The following RAP1GAP2 variants were observed in gnomAD, a reference collection of about 807,000 sequenced individuals.
The protein encoded by RAP1GAP2 is rap1 GTPase-activating protein 2.
Under a neutral mutation model 95.0 loss-of-function variants are expected in RAP1GAP2, and 27 were observed. The observed-to-expected ratio is 0.28, with a 90% CI of 0.21 to 0.39. The LOEUF (loss-of-function observed/expected upper bound fraction) is 0.39, where lower values mean the gene tolerates loss of function less well. Ranked by LOEUF, RAP1GAP2 falls within the 10% of genes least tolerant of loss-of-function variation. The pLI is 1.00. For synonymous variants in RAP1GAP2, 373 were observed against 380.9 expected (o/e 0.98, Z 0.24); for missense variants, 771 against 970.0 (o/e 0.79, Z 2.72).
rs527693859 is a variant in RAP1GAP2 at position 2,805,770 on chromosome 17, G to C, written c.80+5220G>C. 1.9e-4 allele frequency among the ~76,000 whole-genome samples: 26 copies of C among 134,862 alleles called. 1 individual carries two copies. In the East Asian group the frequency reaches 4.4e-3, roughly 23 times the overall value. 88.5% of individuals were successfully genotyped at this position (134,862 alleles called of 152,430 possible). ...GATGCGTGTATGTGTGTGTGTGTGT[G>C]TCTGTCTGTCTGTCTGCTGCATGGG... On this transcript the variant is annotated intron_variant, in intron 2 of 24. Transcript: ENST00000254695.
rs1016638508 is a variant in RAP1GAP2, at chr17:2,867,260, A to G, written c.81-38024A>G. Among the ~76,000 whole-genome samples the G allele has an allele frequency of 2.6e-5, 4 of 152,170 alleles. No individual in the cohort carries two copies. Among genetic ancestry groups the G allele is most frequent in the South Asian group, 2.1e-4 (1 of 4,830 alleles). On this transcript the variant is annotated intron_variant, in intron 2 of 24. Transcript: ENST00000254695. The surrounding 1 kb of genome is among the most constrained non-coding windows in gnomAD (Gnocchi z 4.5). ...TTTTGGTTTGAAGTGGCAAGCCCCAATTCAAATTAATGTAAAGAAAAAATG... is the reference window on the plus strand; with the variant it reads ...TTTTGGTTTGAAGTGGCAAGCCCCAGTTCAAATTAATGTAAAGAAAAAATG...
chr17:2,775,935 T>C (rs2068489048), upstream of RAP1GAP2, among the ~76,000 whole-genome samples: 1 of 152,082 alleles, frequency 6.6e-6, no homozygotes, highest in South Asian at 2.1e-4. Flanking sequence ...TCTCAGCACT[T>C]TGGGAGGCCG....
At chr17:2,868,675 G>A (rs539909496) in intron 2 of RAP1GAP2, among the ~76,000 whole-genome samples, 2 of 121,140 alleles carry the variant, frequency 1.7e-5, no homozygotes, top group African/African-American at 6.4e-5. Flanking sequence ...GTGCCACTAC[G>A]CCTGTCTAAT....
upstream of RAP1GAP2, among the ~76,000 whole-genome samples, chr17:2,792,254 A>T (rs2068944784): frequency 6.6e-6 from 1 of 152,190 alleles, no homozygotes; most frequent in African/African-American, 2.4e-5. Flanking sequence ...GGGTCAGAGC[A>T]GGGGGTCAAG....
chr17:2,965,147 C>T lies in RAP1GAP2; in HGVS notation c.493-393C>T, dbSNP rs531547928. ...CCCCATGGGAATGAGAATGTGGACT[C>T]GGTATCTTGTGGTTAAGAACTTGCC... On this transcript the variant is annotated intron_variant, in intron 7 of 24. Transcript: ENST00000254695. The surrounding 1 kb of genome is among the most constrained non-coding windows in gnomAD (Gnocchi z 4.7). The T allele has an allele frequency of 1.5e-5, 3 of 202,684 alleles. No individual in the cohort carries two copies. Among genetic ancestry groups the T allele is most frequent in the South Asian group, 8.6e-5 (1 of 11,584 alleles). 12.6% of individuals were successfully genotyped at this position (202,684 alleles called of 1,614,324 possible). A position where few individuals can be genotyped will look rare whatever the true frequency, so the allele number is the denominator to read the frequency against.
intron 14 of RAP1GAP2, among the ~76,000 whole-genome samples, chr17:3,002,053 C>G (rs1176201888): frequency 6.6e-6 from 1 of 151,356 alleles, no homozygotes; most frequent in Non-Finnish European, 1.5e-5. Context: ...ACCTCTGCCT[C>G]CCGGGTTCAA....
At chr17:2,860,306 T>A (rs1230457198) in intron 2 of RAP1GAP2, among the ~76,000 whole-genome samples, 2 of 152,200 alleles carry the variant, frequency 1.3e-5, no homozygotes, top group Non-Finnish European at 2.9e-5. Flanking sequence ...CCCGGTGGGC[T>A]GTCGTTGCTT....
intron 2 of RAP1GAP2, among the ~76,000 whole-genome samples, chr17:2,801,385 G>C (rs1180048421): frequency 2.0e-5 from 3 of 150,286 alleles, no homozygotes; most frequent in Middle Eastern, 7.0e-3. Flanking sequence ...TGAAGCAGGA[G>C]AATCACTTGA....
chr17:2,869,541 G>A (rs1229924099), intron 2 of RAP1GAP2, among the ~76,000 whole-genome samples: 1 of 152,104 alleles, frequency 6.6e-6, no homozygotes, highest in East Asian at 1.9e-4. Context: ...GGTGGTTCTC[G>A]CCTGGTCTCT....
In RAP1GAP2 at chr17:2,827,623, C is replaced by A. The variant is rs913785551; in HGVS notation, c.80+27073C>A. Reference sequence around the variant, plus strand: ...AGGGGTTCAAGACCAGCCTGGATAACATGGTGAAACCCCCTCTCTACTAAA... The same window carrying A: ...AGGGGTTCAAGACCAGCCTGGATAAAATGGTGAAACCCCCTCTCTACTAAA... On this transcript the variant is annotated intron_variant, in intron 2 of 24. Transcript: ENST00000254695. This position sits in a 1 kb window ranked among gnomAD's most constrained non-coding sequence, Gnocchi z 4.1. Among the ~76,000 whole-genome samples, 6 of 151,946 alleles carry A rather than the reference C, an allele frequency of 3.9e-5. No homozygotes were observed. The highest frequency in any genetic ancestry group is 9.7e-5 in the African/African-American group (4 of 41,376).
At chr17:2,865,773 C>T (rs1189980491) in intron 2 of RAP1GAP2, among the ~76,000 whole-genome samples, 1 of 152,302 alleles carries the variant, frequency 6.6e-6, no homozygotes. Context: ...TGATGGGAAC[C>T]GAGATGCCTG....
At chr17:2,973,761 AC>A (rs1371272473) in intron 8 of RAP1GAP2, among the ~76,000 whole-genome samples, 1 of 152,228 alleles carries the variant, frequency 6.6e-6, no homozygotes. Context: ...GAAAGAATAA[AC>A]TAGTGAACAA....
Position 2,964,102 on chromosome 17 carries a change from G to A in RAP1GAP2, c.492+34G>A, listed in dbSNP as rs774758889. On this transcript the variant is annotated intron_variant, in intron 7 of 24. Coordinates refer to ENST00000254695, the MANE Select transcript of RAP1GAP2 (RefSeq NM_015085.5). ...GGGGGAGAGGAGCTGCTGGGGGTTG[G>A]GGGCAGAGGCTGGGGACGCTGGGAG... is the stretch of plus-strand genomic sequence containing the variant. 2.6e-5 allele frequency: 41 copies of A among 1,569,910 alleles called. 1 individual carries two copies. The East Asian group carries it at 8.8e-4, about 34-fold the overall frequency.
chr17:2,965,499 T>TTTC lies in RAP1GAP2; in HGVS notation c.493-37_493-35dup, dbSNP rs1211577346. On this transcript the variant is annotated intron_variant, in intron 7 of 24. Coordinates refer to ENST00000254695, the MANE Select transcript of RAP1GAP2 (RefSeq NM_015085.5). The surrounding 1 kb of genome is among the most constrained non-coding windows in gnomAD (Gnocchi z 4.7). ...GTTTAGGGGGAACATACCTGGAAGG[T>TTTC]TTCTTCCTCCTTCCTGCTCACACTC... 3 of 1,495,486 alleles carry TTTC rather than the reference T, an allele frequency of 2.0e-6. No homozygotes were observed. In the South Asian group the frequency reaches 3.6e-5, roughly 18 times the overall value. The allele number at this position is 1,495,486 out of a possible 1,614,324, so 92.6% of individuals were successfully genotyped here. A position where few individuals can be genotyped will look rare whatever the true frequency, so the allele number is the denominator to read the frequency against.
At chr17:3,028,068 G>A (rs558758158) in intron 22 of RAP1GAP2, among the ~76,000 whole-genome samples, 6 of 152,076 alleles carry the variant, frequency 3.9e-5, no homozygotes, top group African/African-American at 1.2e-4. Flanking sequence ...TCCTGGGTCT[G>A]CTGCTTACTA....
At chr17:2,764,218 G>C (rs1414967636) in intron 1 of RAP1GAP2, among the ~76,000 whole-genome samples, 1 of 150,918 alleles carries the variant, frequency 6.6e-6, no homozygotes, top group Non-Finnish European at 1.5e-5. Context: ...GATCATTTGA[G>C]GTCAGGAGTT....
chr17:2,884,461 C>T (rs921382392), intron 2 of RAP1GAP2, among the ~76,000 whole-genome samples: 1 of 151,136 alleles, frequency 6.6e-6, no homozygotes, highest in African/African-American at 2.4e-5. Flanking sequence ...TAACCTTCGC[C>T]TCCCCGGTTC....
At chr17:2,977,148 A>G (rs527387662) in intron 8 of RAP1GAP2, among the ~76,000 whole-genome samples, 130 of 152,036 alleles carry the variant, frequency 8.6e-4, no homozygotes, top group African/African-American at 2.9e-3. Context: ...GAAAAAAAGA[A>G]AAGAAAAGAT....
chr17:2,836,282 A>G (rs2071126875), intron 2 of RAP1GAP2, among the ~76,000 whole-genome samples: 1 of 152,054 alleles, frequency 6.6e-6, no homozygotes, highest in Non-Finnish European at 1.5e-5. Context: ...AAAAAAAAAA[A>G]GAAACCAAAA....
Sources: allele counts gnomAD v4.1 joint callset (sites outside exome capture counted in the v4.1 genomes callset), GRCh38; gene constraint gnomAD v4.1.1; non-coding constraint Gnocchi (gnomAD v3.1); transcripts MANE v1.5; gene names NCBI Gene and HGNC (gene_info 2026-07-23, HGNC 2026-07-21).